The following SIK3 variants were observed in gnomAD, a reference collection of about 807,000 sequenced individuals.
SIK3 encodes the protein serine/threonine-protein kinase SIK3.
A neutral mutation model predicts 144.2 loss-of-function variants in SIK3; 28 were observed. The ratio of observed to expected loss-of-function variants is 0.19; its 90% CI spans 0.14 to 0.27. The LOEUF (loss-of-function observed/expected upper bound fraction) is 0.27, where lower values mean the gene tolerates loss of function less well. Among genes scored for constraint, SIK3 ranks in the 10% least tolerant of loss-of-function variants. The pLI is 1.00. For synonymous variants in SIK3, 686 were observed against 676.3 expected (o/e 1.01, Z -0.22); for missense variants, 1,319 against 1,776.0 (o/e 0.74, Z 4.62).
At chr11:117,041,107 G>A (rs1952723644) in intron 1 of SIK3, among the ~76,000 whole-genome samples, 1 of 151,634 alleles carries the variant, frequency 6.6e-6, no homozygotes, top group African/African-American at 2.4e-5. Flanking sequence ...GCTCAAAGTG[G>A]AATACACATA....
intron 4 of SIK3, among the ~76,000 whole-genome samples, chr11:116,903,159 A>G (rs1027570157): frequency 1.3e-5 from 2 of 152,230 alleles, no homozygotes; most frequent in African/African-American, 4.8e-5. Flanking sequence ...CATTTTGAAA[A>G]TTCAGTGCCT....
intron 3 of SIK3, among the ~76,000 whole-genome samples, chr11:116,934,090 C>T (rs1451122045): frequency 6.6e-6 from 1 of 152,176 alleles, no homozygotes; most frequent in Non-Finnish European, 1.5e-5. Flanking sequence ...TTCATATTCA[C>T]TTCCCCTACG....
intron 1 of SIK3, among the ~76,000 whole-genome samples, chr11:117,073,881 T>C (rs967398341): frequency 3.3e-5 from 5 of 152,248 alleles, no homozygotes; most frequent in Admixed American, 2.0e-4. Context: ...GAAAATTTTA[T>C]GTTTTCACTA....
intron 1 of SIK3, among the ~76,000 whole-genome samples, chr11:117,044,397 A>G (rs1357824910): frequency 6.6e-6 from 1 of 152,216 alleles, no homozygotes; most frequent in Admixed American, 6.5e-5. Context: ...TCCTGCTTAG[A>G]CAAGATTAAG....
At chr11:116,950,338 G>T (rs538914312) in intron 3 of SIK3, 1 of 331,122 alleles carries the variant, frequency 3.0e-6, no homozygotes, top group Non-Finnish European at 6.2e-6. Flanking sequence ...CATTGTTTTC[G>T]AATAAACTTC....
chr11:116,892,685 C>T (rs1368044173), intron 6 of SIK3, among the ~76,000 whole-genome samples: 1 of 152,208 alleles, frequency 6.6e-6, no homozygotes, highest in Non-Finnish European at 1.5e-5. Flanking sequence ...TATCCATGCT[C>T]TTACCATATG....
intron 2 of SIK3, among the ~76,000 whole-genome samples, chr11:116,955,583 C>T (rs912534569): frequency 1.3e-5 from 2 of 152,110 alleles, no homozygotes; most frequent in African/African-American, 4.8e-5. Context: ...TATAAGTCAA[C>T]CTCTTGAGAA....
chr11:117,003,966 C>A (rs1950950151), intron 1 of SIK3, among the ~76,000 whole-genome samples: 1 of 152,034 alleles, frequency 6.6e-6, no homozygotes, highest in Non-Finnish European at 1.5e-5. Flanking sequence ...TTCGTCTGAG[C>A]ATCTATCTAC....
intron 23 of SIK3, 85 bp downstream of exon 23, chr11:116,847,391 C>A: frequency 6.4e-7 from 1 of 1,567,276 alleles, no homozygotes; most frequent in Non-Finnish European, 8.7e-7. Context: ...TGAGCTCTTC[C>A]TACGAAGAGA....
chr11:117,093,742 C>G (rs551803532), intron 1 of SIK3, among the ~76,000 whole-genome samples: 87 of 151,940 alleles, frequency 5.7e-4, no homozygotes, highest in Non-Finnish European at 9.7e-4. Flanking sequence ...GATTAGCCAG[C>G]CTGTACCCTA....
intron 1 of SIK3, among the ~76,000 whole-genome samples, chr11:116,967,828 C>A (rs962800365): frequency 2.6e-5 from 4 of 152,224 alleles, no homozygotes; most frequent in Non-Finnish European, 5.9e-5. Flanking sequence ...GCCAGCCTCC[C>A]TGTGCCCATC....
At chr11:117,015,615 C>A (rs111272040) in intron 1 of SIK3, among the ~76,000 whole-genome samples, 4,089 of 151,700 alleles carry the variant, frequency 0.027, 173 homozygotes, top group African/African-American at 0.091. Context: ...ACTCTTATTG[C>A]CCAGGCTGGA....
chr11:117,083,108 T>C (rs560392312), intron 1 of SIK3, among the ~76,000 whole-genome samples: 1 of 152,264 alleles, frequency 6.6e-6, no homozygotes, highest in East Asian at 1.9e-4. Flanking sequence ...CTAACAACCA[T>C]TGATGTAACC....
At chr11:116,956,046 C>A (rs1188113884) in intron 2 of SIK3, among the ~76,000 whole-genome samples, 1 of 152,116 alleles carries the variant, frequency 6.6e-6, no homozygotes, top group East Asian at 1.9e-4. Flanking sequence ...GCAAAATAAC[C>A]AAGTGGGTGG....
intron 1 of SIK3, among the ~76,000 whole-genome samples, chr11:117,034,692 A>C (rs766518242): frequency 3.9e-5 from 6 of 152,196 alleles, no homozygotes; most frequent in Non-Finnish European, 7.4e-5. Context: ...CACGATTCCA[A>C]TTATCAATTG....
chr11:116,937,987 T>G (rs1026460717), intron 3 of SIK3, among the ~76,000 whole-genome samples: 2 of 152,018 alleles, frequency 1.3e-5, no homozygotes, highest in African/African-American at 4.8e-5. Context: ...AGTGGATCAC[T>G]TGAGGCCAGG....
chr11:116,846,550 C>G lies in SIK3; in HGVS notation c.3956G>C (p.Cys1319Ser). 6.2e-7 allele frequency: 1 copy of G among 1,614,116 alleles called. No homozygotes were observed. Among genetic ancestry groups the G allele is most frequent in the Non-Finnish European group, 8.5e-7 (1 of 1,179,982 alleles). ...QQFQDGENEE[C>S]GASLGGHEHP... ...CTCATGACCTCCCAGGCTTGCCCCA[C>G]ATTCTGCAAGACCAAAAAGAACGTA... is the stretch of plus-strand genomic sequence containing the variant. The change falls in exon 24 of 25, where the codon TGT (cysteine) becomes TCT (serine). Residue 1319 changes from cysteine to serine, a missense_variant. Around this residue, in one of 8 missense-constraint regions of SIK3, gnomAD observed 646 missense variants for 763.7 expected, o/e 0.85. Coordinates refer to ENST00000445177, the MANE Select transcript of SIK3 (RefSeq NM_001366686.3). The surrounding 1 kb of genome is among the most constrained non-coding windows in gnomAD (Gnocchi z 4.1).
intron 1 of SIK3, among the ~76,000 whole-genome samples, chr11:116,977,504 C>T (rs1253816476): frequency 2.6e-5 from 4 of 152,170 alleles, no homozygotes; most frequent in Admixed American, 1.3e-4. Flanking sequence ...GTTTCTTTGT[C>T]CTCTGGTTCT....
At chr11:116,897,026 C>CAAAA (rs5795057) in intron 5 of SIK3, among the ~76,000 whole-genome samples, 167 bp downstream of exon 5, 15 of 102,702 alleles carry the variant, frequency 1.5e-4, no homozygotes, top group African/African-American at 5.4e-4. Context: ...GACTCTGTTT[C>CAAAA]AAAAAAAAAA....
Sources: allele counts gnomAD v4.1 joint callset (sites outside exome capture counted in the v4.1 genomes callset), GRCh38; gene constraint gnomAD v4.1.1; regional missense constraint gnomAD v4.1.1; non-coding constraint Gnocchi (gnomAD v3.1); transcripts MANE v1.5; gene names NCBI Gene and HGNC (gene_info 2026-07-23, HGNC 2026-07-21).